The following SOD2 variants were observed in gnomAD, a reference collection of about 807,000 sequenced individuals.
The protein encoded by SOD2 is superoxide dismutase [Mn], mitochondrial.
SOD2 carries 11 observed loss-of-function variants against 27.0 expected under a neutral mutation model. That is an observed-to-expected ratio of 0.41 (90% CI 0.26 to 0.67). The LOEUF is 0.67. Ranked by LOEUF, SOD2 falls within the 30% of genes least tolerant of loss-of-function variation. The pLI, the probability that SOD2 is intolerant of heterozygous loss-of-function variation, is 0.34. For synonymous variants in SOD2, 105 were observed against 103.0 expected (o/e 1.02, Z -0.12); for missense variants, 250 against 274.5 (o/e 0.91, Z 0.63).
intron 1 of SOD2, among the ~76,000 whole-genome samples, chr6:159,732,847 TC>T (rs1778660559): frequency 7.9e-6 from 1 of 126,114 alleles, no homozygotes; most frequent in African/African-American, 3.5e-5. Context: ...TCTGTCTGCT[TC>T]TTTCTCTCTC....
Position 159,742,598 on chromosome 6 carries a change from C to T in SOD2, c.-116+2532G>A, listed in dbSNP as rs898580876. 2.6e-5 allele frequency among the ~76,000 whole-genome samples: 4 copies of T among 152,030 alleles called. 1 individual carries two copies. Among genetic ancestry groups the T allele is most frequent in the Admixed American group, 6.5e-5 (1 of 15,284 alleles). On this transcript the variant is annotated intron_variant, in intron 1 of 3. Transcript: ENST00000537657. ...ATTTTTTTAAATCTGCTGAAAATAACGTTTATCATTTTAAGCCATTTTAGT... is the reference window on the plus strand; with the variant it reads ...ATTTTTTTAAATCTGCTGAAAATAATGTTTATCATTTTAAGCCATTTTAGT...
exon 1 of SOD2, chr6:159,762,020 T>G (rs774219135): frequency 1.3e-6 from 2 of 1,574,614 alleles, no homozygotes; most frequent in East Asian, 4.6e-5. Context: ...GGCAGGCCTG[T>G]GGGCTGCGAG....
Position 159,688,156 on chromosome 6 carries a change from G to A in SOD2, c.313C>T (p.Leu105Phe). Residue 105 changes from leucine (L) to phenylalanine (F), a missense_variant, in exon 3 of 5, where the codon CTC becomes TTC. Leu to Phe is a conservative substitution (Grantham distance 22). Transcript: ENST00000538183. ...HINHSIFWTN[L>F]SPNGGGEPKG... is the part of the protein sequence containing the mutation. ...GGTTCTCCACCACCGTTAGGGCTGA[G>A]GTTTGTCCAGAAAATGCTATGATTG... 1 of 1,612,758 alleles carries A rather than the reference G, an allele frequency of 6.2e-7. No individual in the cohort carries two copies. Among genetic ancestry groups the A allele is most frequent in the Non-Finnish European group, 8.5e-7 (1 of 1,178,710 alleles).
rs551976044 is a variant in SOD2 at position 159,679,417 on chromosome 6, G to C, written c.*3076C>G. The C allele has an allele frequency of 1.3e-5, 2 of 152,272 alleles. No homozygotes were observed. The highest frequency in any genetic ancestry group is 3.9e-4 in the East Asian group (2 of 5,184). 9.4% of individuals were successfully genotyped at this position (152,272 alleles called of 1,614,324 possible). A position where few individuals can be genotyped will look rare whatever the true frequency, so the allele number is the denominator to read the frequency against. ...TATGTTTATACGTGGTTTTAGATAT[G>C]ACTCAATATACATAGATTTTAACTT... On this transcript the variant is annotated 3_prime_UTR_variant, in exon 5 of 5. Coordinates refer to ENST00000538183, the MANE Select transcript of SOD2 (RefSeq NM_000636.4).
chr6:159,685,098 T>A, intron 3 of SOD2, 65 bp from the exon 4 acceptor site: 1 of 1,155,560 alleles, frequency 8.7e-7, no homozygotes, highest in Non-Finnish European at 1.2e-6. Context: ...AGTAAAATGT[T>A]ATATTACATG....
chr6:159,699,478 G>T (rs1777487628), intron 1 of SOD2, among the ~76,000 whole-genome samples: 1 of 151,862 alleles, frequency 6.6e-6, no homozygotes, highest in Non-Finnish European at 1.5e-5. Flanking sequence ...CCCTCCATAA[G>T]ATCCTTTCAT....
chr6:159,732,847 TCTTTCTCTCTC>T (rs992615933), intron 1 of SOD2, among the ~76,000 whole-genome samples: 1 of 126,114 alleles, frequency 7.9e-6, no homozygotes, highest in African/African-American at 3.5e-5. Context: ...TCTGTCTGCT[TCTTTCTCTCTC>T]TCTCTCTCTC....
chr6:159,728,832 T>C (rs1454255679), upstream of SOD2, among the ~76,000 whole-genome samples: 1 of 152,214 alleles, frequency 6.6e-6, no homozygotes, highest in Non-Finnish European at 1.5e-5. Flanking sequence ...TATGTTAAGG[T>C]ATCTTAAGCA....
chr6:159,728,038 C>G (rs1015281326), upstream of SOD2, among the ~76,000 whole-genome samples: 1 of 152,226 alleles, frequency 6.6e-6, no homozygotes, highest in Non-Finnish European at 1.5e-5. Flanking sequence ...GGGTCGCCCC[C>G]TTCACCTCCC....
Position 159,681,339 on chromosome 6 carries a change from T to C in SOD2, c.*1154A>G, listed in dbSNP as rs1485308712. 6.6e-6 allele frequency: 1 copy of C among 151,848 alleles called. No individual in the cohort carries two copies. The highest frequency in any genetic ancestry group is 1.5e-5 in the Non-Finnish European group (1 of 68,044). 9.4% of individuals were successfully genotyped at this position (151,848 alleles called of 1,614,324 possible). On this transcript the variant is annotated 3_prime_UTR_variant, in exon 5 of 5. Transcript: ENST00000538183. ...GGGAAGTTAGAGTCACCTAGAGACA[T>C]CCTTAACACGTGCCCCTGAGCTACT...
intron 4 of SOD2, among the ~76,000 whole-genome samples, chr6:159,684,613 C>CA (rs1038583959): frequency 5.3e-5 from 8 of 151,090 alleles, no homozygotes; most frequent in East Asian, 1.9e-4. Context: ...AGATCTGTCT[C>CA]AAAAAAAATA....
chr6:159,747,938 A>G (rs1275491861), upstream of SOD2, among the ~76,000 whole-genome samples: 2 of 152,194 alleles, frequency 1.3e-5, no homozygotes, highest in Admixed American at 6.5e-5. Flanking sequence ...ATATTCAAGG[A>G]CTACTACATA....
chr6:159,720,918 G>A (rs1199788547), intron 1 of SOD2, among the ~76,000 whole-genome samples: 2 of 136,880 alleles, frequency 1.5e-5, no homozygotes, highest in African/African-American at 2.7e-5. Context: ...GTGCAATGGC[G>A]CGATCTCGGC....
intron 1 of SOD2, chr6:159,755,860 T>G: frequency 1.8e-6 from 1 of 557,548 alleles, no homozygotes; most frequent in Non-Finnish European, 2.7e-6. Flanking sequence ...AAGGACATTT[T>G]GTGTAGGGTC....
upstream of SOD2, among the ~76,000 whole-genome samples, chr6:159,695,701 G>T (rs1347496867): frequency 6.6e-6 from 1 of 151,946 alleles, no homozygotes; most frequent in Non-Finnish European, 1.5e-5. Context: ...TCTTCATGTT[G>T]CCCAGGCTGG....
In SOD2 at chr6:159,675,536, G is replaced by A. The variant is rs1358725665; in HGVS notation, c.*6957C>T. On this transcript the variant is annotated 3_prime_UTR_variant, in exon 5 of 5. Transcript: ENST00000538183. ...TTAATAAATGGTGCTGGGAAAACTGGCTAGCCACATGTAGAAAGCTGAAAC... is the reference window on the plus strand; with the variant it reads ...TTAATAAATGGTGCTGGGAAAACTGACTAGCCACATGTAGAAAGCTGAAAC... The A allele has an allele frequency of 6.6e-6, 1 of 152,148 alleles. No individual in the cohort carries two copies. The highest frequency in any genetic ancestry group is 2.4e-5 in the African/African-American group (1 of 41,424). 9.4% of individuals were successfully genotyped at this position (152,148 alleles called of 1,614,324 possible). A position where few individuals can be genotyped will look rare whatever the true frequency, so the allele number is the denominator to read the frequency against.
chr6:159,685,215 T>TC (rs1780129533), intron 3 of SOD2, among the ~76,000 whole-genome samples, 182 bp from the exon 4 acceptor site: 1 of 136,206 alleles, frequency 7.3e-6, no homozygotes, highest in Admixed American at 7.8e-5. Context: ...TTTTATAACT[T>TC]CAACTTTTTT....
intron 1 of SOD2, chr6:159,713,670 T>A (rs894149829): frequency 1.0e-6 from 1 of 971,116 alleles, no homozygotes; most frequent in African/African-American, 1.6e-5. Context: ...GAAGCCATCG[T>A]TGGCAGTATC....
intron 1 of SOD2, among the ~76,000 whole-genome samples, chr6:159,734,212 C>T (rs191580847): frequency 1.3e-5 from 2 of 151,856 alleles, no homozygotes; most frequent in Admixed American, 6.6e-5. Context: ...CAGGGTCTTA[C>T]CACATTGCCC....
Sources: gnomAD v4.1 joint callset for allele counts (sites outside exome capture counted in the v4.1 genomes callset) on GRCh38, gnomAD v4.1.1 for gene constraint, MANE v1.5 for transcripts, NCBI Gene and HGNC (gene_info 2026-07-23, HGNC 2026-07-21) for gene names.